The following ITPR1 variants were observed in gnomAD, a reference collection of about 807,000 sequenced individuals.
ITPR1 encodes the protein inositol 1,4,5-trisphosphate receptor type 1.
Under a neutral mutation model 318.4 loss-of-function variants are expected in ITPR1, and 96 were observed. The observed-to-expected ratio is 0.30, with a 90% CI of 0.26 to 0.36. ITPR1 has a LOEUF of 0.36. Ranked by LOEUF, ITPR1 falls within the 10% of genes least tolerant of loss-of-function variation. The probability of loss-of-function intolerance (pLI) is 1.00; values close to 1 mark genes in which losing one functional copy is unlikely to be tolerated. For missense variants in ITPR1, 2,440 were observed against 3,460.2 expected, an observed-to-expected ratio of 0.71 and a Z score of 7.40; for synonymous variants, 1,312 against 1,289.9, an observed-to-expected ratio of 1.02 and a Z score of -0.37.
chr3:4,624,138 G>GT (rs1177465763), intron 4 of ITPR1, among the ~76,000 whole-genome samples: 3 of 152,058 alleles, frequency 2.0e-5, no homozygotes, highest in African/African-American at 4.8e-5. Flanking sequence ...ACCTAAATCA[G>GT]TTTTTTGGGA....
chr3:4,818,193 A>G lies in ITPR1; in HGVS notation c.7979A>G (p.Asp2660Gly). The G allele has an allele frequency of 6.3e-7, 1 of 1,597,206 alleles. No homozygotes were observed. The highest frequency in any genetic ancestry group is 1.1e-5 in the South Asian group (1 of 89,880). Residue 2660 changes from aspartate to glycine, a missense_variant, in exon 60 of 62, where the codon GAC becomes GGC. Asp to Gly is a moderately conservative substitution (Grantham distance 94). Transcript: ENST00000649015. ...LCFIVLVKVK[D>G]STEYTGPESY... The stretch of plus-strand genomic sequence containing the variant: ...TTCATCGTCCTGGTGAAAGTAAAGG[A>G]CTCCACCGAATATACTGGGCCTGAG...
intron 4 of ITPR1, among the ~76,000 whole-genome samples, chr3:4,539,930 A>G (rs2084265392): frequency 6.6e-6 from 1 of 150,876 alleles, no homozygotes; most frequent in African/African-American, 2.4e-5. Flanking sequence ...TTTTCCTTAC[A>G]AATTACCCAG....
At chr3:4,768,452 G>T (rs957890053) in intron 45 of ITPR1, 59 bp from the exon 46 acceptor site, 9 of 1,516,228 alleles carry the variant, frequency 5.9e-6, no homozygotes, top group Non-Finnish European at 8.0e-6. Context: ...CACCTTTGGA[G>T]TGGTGAATAG....
intron 11 of ITPR1, among the ~76,000 whole-genome samples, chr3:4,652,472 G>A (rs559076826): frequency 6.6e-6 from 1 of 152,146 alleles, no homozygotes; most frequent in African/African-American, 2.4e-5. Flanking sequence ...TGCCGATCTA[G>A]GTTTTCGGTA....
intron 60 of ITPR1, among the ~76,000 whole-genome samples, chr3:4,820,576 G>A (rs1035191203): frequency 6.6e-6 from 1 of 152,194 alleles, no homozygotes; most frequent in South Asian, 2.1e-4. Context: ...AACACTCTGA[G>A]GGCCTGGGTG....
At chr3:4,681,702 C>T (rs1170912803) in intron 26 of ITPR1, among the ~76,000 whole-genome samples, 1 of 146,960 alleles carries the variant, frequency 6.8e-6, no homozygotes, top group Non-Finnish European at 1.5e-5. Context: ...CTCAAAATAC[C>T]TACATTACAA....
At chr3:4,755,178 T>C (rs1407095152) in intron 44 of ITPR1, among the ~76,000 whole-genome samples, 1 of 151,678 alleles carries the variant, frequency 6.6e-6, no homozygotes, top group African/African-American at 2.4e-5. Flanking sequence ...AATTTTTTTT[T>C]TTTTTTTTTT....
At chr3:4,537,464 G>C (rs2083976585) in intron 4 of ITPR1, among the ~76,000 whole-genome samples, 1 of 152,170 alleles carries the variant, frequency 6.6e-6, no homozygotes, top group Non-Finnish European at 1.5e-5. Flanking sequence ...CTGAAGAATG[G>C]CCCCTGAATG....
rs568640707 is a variant in ITPR1 at position 4,530,260 on chromosome 3, C to T, written c.163+9166C>T. Among the ~76,000 whole-genome samples the T allele has an allele frequency of 4.5e-4, 68 of 152,282 alleles. 1 individual carries two copies. In the South Asian group the frequency reaches 0.014, roughly 32 times the overall value. ...CAGATTTTGGAGCACTCAAAGGGAC[C>T]AAATCTTGCCCTGCACTCCTGGCCC... On this transcript the variant is annotated intron_variant, in intron 4 of 61. Transcript: ENST00000649015.
intron 44 of ITPR1, among the ~76,000 whole-genome samples, chr3:4,758,055 G>T (rs2045142419): frequency 6.6e-6 from 1 of 152,110 alleles, no homozygotes; most frequent in African/African-American, 2.4e-5. Flanking sequence ...CTCAAGCTTT[G>T]GCTCACTGTT....
At chr3:4,573,056 G>A (rs1338029182) in intron 4 of ITPR1, among the ~76,000 whole-genome samples, 3 of 152,112 alleles carry the variant, frequency 2.0e-5, no homozygotes, top group African/African-American at 2.4e-5. Flanking sequence ...GACCATGGGC[G>A]TGCAAATCTC....
intron 4 of ITPR1, among the ~76,000 whole-genome samples, chr3:4,593,594 G>T (rs1430244182): frequency 6.6e-6 from 1 of 152,190 alleles, no homozygotes; most frequent in Non-Finnish European, 1.5e-5. Context: ...TATATGTGAA[G>T]TTCAGATGCT....
intron 6 of ITPR1, among the ~76,000 whole-genome samples, chr3:4,641,312 G>A (rs1308651855): frequency 6.6e-6 from 1 of 152,158 alleles, no homozygotes; most frequent in Non-Finnish European, 1.5e-5. Context: ...CAAGAATAAA[G>A]TACTTGGAAA....
intron 4 of ITPR1, among the ~76,000 whole-genome samples, chr3:4,624,794 G>A (rs780262049): frequency 1.3e-5 from 2 of 152,016 alleles, no homozygotes; most frequent in African/African-American, 2.4e-5. Flanking sequence ...TAATGTTCAG[G>A]CCTGTGTCAA....
chr3:4,537,086 C>T (rs1053588997), intron 4 of ITPR1, among the ~76,000 whole-genome samples: 2 of 152,156 alleles, frequency 1.3e-5, no homozygotes, highest in African/African-American at 4.8e-5. Context: ...TCTTTCTGTG[C>T]ATCTTTCACC....
In ITPR1 at chr3:4,673,230, C is replaced by T. The variant is rs377248442; in HGVS notation, c.2299C>T (p.Arg767Cys). 1.0e-4 allele frequency: 167 copies of T among 1,613,976 alleles called. No homozygotes were observed. The highest frequency in any genetic ancestry group is 2.7e-4 in the African/African-American group (20 of 75,052). The change falls in exon 21 of 62, where the codon CGC becomes TGC. Residue 767 changes from arginine to cysteine, a missense_variant. Transcript: ENST00000649015. ...SGQLDVDLILRCMSDENLPYD... is the reference protein window; with the variant it reads ...SGQLDVDLILCCMSDENLPYD... ...CCAGCTGGATGTCGATCTCATTCTCCGCTGCATGTCTGACGAGAACCTGCC... is the reference window on the plus strand; with the variant it reads ...CCAGCTGGATGTCGATCTCATTCTCTGCTGCATGTCTGACGAGAACCTGCC...
At chr3:4,843,080 T>G (rs1055359786) in intron 61 of ITPR1, among the ~76,000 whole-genome samples, 18 of 149,034 alleles carry the variant, frequency 1.2e-4, no homozygotes, top group South Asian at 4.3e-4. Flanking sequence ...AGGGGTTTTT[T>G]TTTTTTTTTT....
At chr3:4,512,362 T>C (rs1204682597) in intron 2 of ITPR1, among the ~76,000 whole-genome samples, 1 of 152,148 alleles carries the variant, frequency 6.6e-6, no homozygotes, top group East Asian at 1.9e-4. Context: ...GATTTCATTA[T>C]TGGGTGGGAG....
intron 60 of ITPR1, among the ~76,000 whole-genome samples, chr3:4,830,364 G>GT (rs1253191630): frequency 2.6e-5 from 4 of 151,976 alleles, no homozygotes; most frequent in Non-Finnish European, 5.9e-5. Context: ...CTGTGTTTTT[G>GT]TTTTTGGAGG....
Sources: gnomAD v4.1 joint callset for allele counts (sites outside exome capture counted in the v4.1 genomes callset) on GRCh38, gnomAD v4.1.1 for gene constraint, MANE v1.5 for transcripts, NCBI Gene and HGNC (gene_info 2026-07-23, HGNC 2026-07-21) for gene names.